The following PTPN3 variants were observed in gnomAD, a reference collection of about 807,000 sequenced individuals.
PTPN3 encodes tyrosine-protein phosphatase non-receptor type 3.
In PTPN3, 96 loss-of-function variants were observed where a neutral mutation model predicts 132.7. That is an observed-to-expected ratio of 0.72 (90% CI 0.61 to 0.86). The LOEUF (loss-of-function observed/expected upper bound fraction) is 0.86, where lower values mean the gene tolerates loss of function less well. Among genes scored for constraint, PTPN3 ranks in the 40% least tolerant of loss-of-function variants. The pLI, the probability that PTPN3 is intolerant of heterozygous loss-of-function variation, is 0.00. For synonymous variants in PTPN3, 398 were observed against 429.0 expected (o/e 0.93, Z 0.89); for missense variants, 1,125 against 1,159.6 (o/e 0.97, Z 0.43).
chr9:109,523,722 A>C, the PTPN3 span, among the ~76,000 whole-genome samples: 2 of 152,414 alleles, frequency 1.3e-5, no homozygotes, highest in African/African-American at 4.8e-5. Context: ...CACCCCATAC[A>C]TGCCTAGACT....
chr9:109,376,041 T>G lies in PTPN3; in HGVS notation c.*3515A>C, dbSNP rs897123892. On this transcript the variant is annotated 3_prime_UTR_variant, in exon 26 of 26. Coordinates refer to ENST00000374541, the MANE Select transcript of PTPN3 (RefSeq NM_002829.4). Reference sequence around the variant, plus strand: ...CTTTGCATTCAACAGCGCCAAAGTCTGAGGGACAAACTCTTGGTGACAAGT... The same window carrying G: ...CTTTGCATTCAACAGCGCCAAAGTCGGAGGGACAAACTCTTGGTGACAAGT... 1 of 152,236 alleles carries G rather than the reference T, an allele frequency of 6.6e-6. No homozygotes were observed. Among genetic ancestry groups the G allele is most frequent in the African/African-American group, 2.4e-5 (1 of 41,466 alleles). The allele number at this position is 152,236 out of a possible 1,614,324, so 9.4% of individuals were successfully genotyped here. A position where few individuals can be genotyped will look rare whatever the true frequency, so the allele number is the denominator to read the frequency against.
chr9:109,530,071 G>T, the PTPN3 span, among the ~76,000 whole-genome samples: 3 of 152,030 alleles, frequency 2.0e-5, no homozygotes, highest in African/African-American at 7.3e-5. Flanking sequence ...TTTTATTGTG[G>T]CAAAATATTA....
intron 1 of PTPN3, among the ~76,000 whole-genome samples, chr9:109,467,269 T>C (rs1016655485): frequency 3.1e-5 from 3 of 97,420 alleles, no homozygotes; most frequent in African/African-American, 1.1e-4. Flanking sequence ...TGGGTTACAT[T>C]TTTTTTTTTC....
intron 10 of PTPN3, among the ~76,000 whole-genome samples, chr9:109,431,730 A>G (rs1179703966): frequency 2.6e-5 from 4 of 152,228 alleles, no homozygotes; most frequent in Admixed American, 1.3e-4. Context: ...GCGTTTTCCT[A>G]CAAATACCAC....
chr9:109,488,759 C>T lies in PTPN3; in HGVS notation c.-18+9460G>A, dbSNP rs576718947. Among the ~76,000 whole-genome samples the T allele has an allele frequency of 1.1e-4, 16 of 152,326 alleles. No individual in the cohort carries two copies. In the East Asian group the frequency reaches 2.7e-3, roughly 26 times the overall value. ...GACCCCTTGACCGAGTGTCTGGTCA[C>T]TTGATATTACAAATCTAGACTTCCT... is the stretch of plus-strand genomic sequence containing the variant. On this transcript the variant is annotated intron_variant, in intron 1 of 25. Coordinates refer to ENST00000374541, the MANE Select transcript of PTPN3 (RefSeq NM_002829.4).
chr9:109,453,219 A>G (rs767621323), intron 5 of PTPN3, among the ~76,000 whole-genome samples: 16 of 152,242 alleles, frequency 1.1e-4, no homozygotes, highest in Admixed American at 1.3e-4. Context: ...TCAACATATT[A>G]CAAGTTAAAA....
chr9:109,393,374 T>C (rs1176327338), intron 19 of PTPN3, among the ~76,000 whole-genome samples: 1 of 150,450 alleles, frequency 6.6e-6, no homozygotes, highest in Non-Finnish European at 1.5e-5. Context: ...TTTTTAATGG[T>C]TTTTTTTGTC....
chr9:109,519,894 C>T, the PTPN3 span, among the ~76,000 whole-genome samples: 25 of 152,224 alleles, frequency 1.6e-4, 1 homozygote, highest in Non-Finnish European at 5.9e-5. Context: ...CACGCTGGCT[C>T]ACGCCTGTAA....
At chr9:109,515,063 T>A in the PTPN3 span, among the ~76,000 whole-genome samples, 4 of 152,020 alleles carry the variant, frequency 2.6e-5, no homozygotes, top group Non-Finnish European at 4.4e-5. Context: ...CTCTATATTG[T>A]CTGGGCTGAA....
intron 5 of PTPN3, chr9:109,450,275 C>T (rs1845164346): frequency 1.0e-6 from 1 of 985,212 alleles, no homozygotes; most frequent in African/African-American, 1.7e-5. Flanking sequence ...TCTTTTCCAC[C>T]TAGGAGAACA....
chr9:109,469,739 T>C (rs1846278775), intron 1 of PTPN3, among the ~76,000 whole-genome samples: 1 of 152,212 alleles, frequency 6.6e-6, no homozygotes, highest in African/African-American at 2.4e-5. Context: ...ACAGTCTTGA[T>C]TTATAAATAC....
At chr9:109,416,710 G>C (rs914066186) in intron 14 of PTPN3, among the ~76,000 whole-genome samples, 3 of 152,052 alleles carry the variant, frequency 2.0e-5, no homozygotes, top group African/African-American at 7.2e-5. Flanking sequence ...GCCTCCCAAA[G>C]TACTGGGATT....
At chr9:109,491,071 C>T (rs1231694106) in intron 1 of PTPN3, among the ~76,000 whole-genome samples, 4 of 151,690 alleles carry the variant, frequency 2.6e-5, no homozygotes, top group African/African-American at 9.7e-5. Context: ...TGGCACACGC[C>T]TGGAATCCCA....
At chr9:109,517,335 C>T in the PTPN3 span, among the ~76,000 whole-genome samples, 2 of 152,156 alleles carry the variant, frequency 1.3e-5, no homozygotes, top group African/African-American at 4.8e-5. Flanking sequence ...CCTTTGAGGT[C>T]CCCCAGGCCT....
chr9:109,468,923 T>C (rs148118955), intron 1 of PTPN3, among the ~76,000 whole-genome samples: 109 of 152,376 alleles, frequency 7.2e-4, no homozygotes, highest in African/African-American at 2.5e-3. Flanking sequence ...TACAGATATA[T>C]GAATGTTCCA....
chr9:109,420,355 T>C lies in PTPN3; in HGVS notation c.1313+69A>G, dbSNP rs1842806295. 4 of 1,491,226 alleles carry C rather than the reference T, an allele frequency of 2.7e-6. No individual in the cohort carries two copies. The Admixed American group carries it at 5.9e-5, about 22-fold the overall frequency. 92.4% of individuals were successfully genotyped at this position (1,491,226 alleles called of 1,614,324 possible). On this transcript the variant is annotated intron_variant, in intron 14 of 25. Coordinates refer to ENST00000374541, the MANE Select transcript of PTPN3 (RefSeq NM_002829.4). Reference sequence around the variant, plus strand: ...TCTTGGTTCCTCTCAAATGGCAACCTGGACCTGAGCAAATTCCGCAACAGC... The same window carrying C: ...TCTTGGTTCCTCTCAAATGGCAACCCGGACCTGAGCAAATTCCGCAACAGC...
chr9:109,380,825 T>C (rs983925898), intron 25 of PTPN3, among the ~76,000 whole-genome samples: 1 of 152,188 alleles, frequency 6.6e-6, no homozygotes, highest in Non-Finnish European at 1.5e-5. Flanking sequence ...TAACTCCTCA[T>C]GTACCCTGGG....
At position 109,450,727 on chromosome 9, in the gene PTPN3, T is replaced by C. The variant is rs1845190358; in HGVS notation, c.369-1872A>G. ...GGCTCACAATGAAGAAGATATTTAT[T>C]TAACAATTAGAATACAGGATAGTTC... is the stretch of plus-strand genomic sequence containing the variant. On this transcript the variant is annotated intron_variant, in intron 5 of 25. Coordinates refer to ENST00000374541, the MANE Select transcript of PTPN3 (RefSeq NM_002829.4). 5 of 985,296 alleles carry C rather than the reference T, an allele frequency of 5.1e-6. No individual in the cohort carries two copies. In the South Asian group the frequency reaches 2.3e-4, roughly 46 times the overall value. 61.0% of individuals were successfully genotyped at this position (985,296 alleles called of 1,614,324 possible).
chr9:109,436,887 C>A lies in PTPN3; in HGVS notation c.671G>T (p.Gly224Val), dbSNP rs1211349830. Reference sequence around the variant, plus strand: ...AGACATAACAAGAATACATACCCTACCACTGTGCAGTTCTACTCCATAGAA... The same window carrying A: ...AGACATAACAAGAATACATACCCTAACACTGTGCAGTTCTACTCCATAGAA... ...LDFYGVELHS[G>V]RDLHNLDLMI... Residue 224 changes from glycine (G) to valine (V), a missense_variant, in exon 9 of 26, where the codon GGT (glycine) becomes GTT (valine). Physicochemically the swap from Gly to Val is moderately radical, Grantham distance 109. Transcript: ENST00000374541. 8 of 1,613,772 alleles carry A rather than the reference C, an allele frequency of 5.0e-6. No individual in the cohort carries two copies. Among genetic ancestry groups the A allele is most frequent in the Non-Finnish European group, 6.8e-6 (8 of 1,179,914 alleles).
Sources: allele counts gnomAD v4.1 joint callset (sites outside exome capture counted in the v4.1 genomes callset), GRCh38; gene constraint gnomAD v4.1.1; transcripts MANE v1.5; gene names NCBI Gene and HGNC (gene_info 2026-07-23, HGNC 2026-07-21).